PCDHGB4: variants seen among roughly 807,000 people sequenced by gnomAD.
PCDHGB4 encodes protocadherin gamma subfamily B, 4, also known as protocadherin gamma-B4.
Under a neutral mutation model 60.5 loss-of-function variants are expected in PCDHGB4, and 38 were observed. The observed-to-expected ratio is 0.63, with a 90% confidence interval of 0.48 to 0.82. The LOEUF (loss-of-function observed/expected upper bound fraction) is 0.82. Among genes scored for constraint, PCDHGB4 ranks in the 40% least tolerant of loss-of-function variants. The pLI is 0.00. For missense variants in PCDHGB4, 1,109 were observed against 1,209.6 expected, an observed-to-expected ratio of 0.92 and a Z score of 1.23; for synonymous variants, 456 against 509.7, an observed-to-expected ratio of 0.89 and a Z score of 1.42.
In PCDHGB4 at chr5:141,390,225, G is replaced by A. The variant is rs886390636; in HGVS notation, c.2341G>A (p.Asp781Asn). 25 of 1,613,922 alleles carry A rather than the reference G, an allele frequency of 1.5e-5. No individual in the cohort carries two copies. Among genetic ancestry groups the A allele is most frequent in the Non-Finnish European group, 1.9e-5 (23 of 1,179,908 alleles). The change falls in exon 1 of 4, where the codon GAT becomes AAT. Residue 781 changes from aspartate (D) to asparagine (N), a missense_variant. Physicochemically the swap from Asp to Asn is conservative, Grantham distance 23 (BLOSUM62 1). Transcript: ENST00000519479. ...LSSGQDILCGDSSGALFPLCN... is the reference protein window; with the variant it reads ...LSSGQDILCGNSSGALFPLCN... Reference sequence around the variant, plus strand: ...TTCAGGACAAGACATACTTTGCGGTGATTCATCTGGGGCCTTATTTCCACT... The same window carrying A: ...TTCAGGACAAGACATACTTTGCGGTAATTCATCTGGGGCCTTATTTCCACT...
At position 141,491,645 on chromosome 5, in the gene PCDHGB4, C is replaced by T; in HGVS notation, c.2398-3162C>T. On this transcript the variant is annotated intron_variant, in intron 1 of 3. Transcript: ENST00000519479. The surrounding 1 kb of genome is among the most constrained non-coding windows in gnomAD (Gnocchi z 6.9). ...AGCGTTCAGCAGCCCACAGCTCTGG[C>T]GCTGGAGCCTGACGCCATCCGGTCC... 1.2e-6 allele frequency: 2 copies of T among 1,613,890 alleles called. No homozygotes were observed. Among genetic ancestry groups the T allele is most frequent in the African/African-American group, 1.3e-5 (1 of 75,082 alleles).
At chr5:141,395,485 T>C (rs2093239128) in intron 1 of PCDHGB4, 2 of 522,170 alleles carry the variant, frequency 3.8e-6, no homozygotes, top group Non-Finnish European at 6.6e-6. Context: ...TTATTCCTAT[T>C]ATCACTCATT....
In PCDHGB4 at chr5:141,485,818, C is replaced by T; in HGVS notation, c.2398-8989C>T. 6 of 1,613,912 alleles carry T rather than the reference C, an allele frequency of 3.7e-6. No homozygotes were observed. The highest frequency in any genetic ancestry group is 5.1e-6 in the Non-Finnish European group (6 of 1,179,974). On this transcript the variant is annotated intron_variant, in intron 1 of 3. Transcript: ENST00000519479. This position sits in a 1 kb window ranked among gnomAD's most constrained non-coding sequence, Gnocchi z 5.7. ...ACTACCGCCTGGTGCTGACTGCTGTCGATGGAGGGAACCCGCCGAGATCTG... is the reference window on the plus strand; with the variant it reads ...ACTACCGCCTGGTGCTGACTGCTGTTGATGGAGGGAACCCGCCGAGATCTG...
intron 1 of PCDHGB4, among the ~76,000 whole-genome samples, chr5:141,445,892 T>C (rs2154561169): frequency 6.6e-6 from 1 of 152,346 alleles, no homozygotes; most frequent in African/African-American, 2.4e-5. Context: ...TTAGGAGCTA[T>C]TAAAATATTT....
intron 2 of PCDHGB4, among the ~76,000 whole-genome samples, chr5:141,495,094 C>T (rs1470702358): frequency 6.6e-6 from 1 of 152,156 alleles, no homozygotes; most frequent in African/African-American, 2.4e-5. Flanking sequence ...CTTCCCTCCT[C>T]GCCACGACCG....
At position 141,489,852 on chromosome 5, in the gene PCDHGB4, C is replaced by G. The variant is rs1197191101; in HGVS notation, c.2398-4955C>G. ...TAGAGCAGCAGCTGGATCGTGAAGC[C>G]CAGGCAAGACATCAGCTGGTGCTTA... On this transcript the variant is annotated intron_variant, in intron 1 of 3. Transcript: ENST00000519479. This position sits in a 1 kb window ranked among gnomAD's most constrained non-coding sequence, Gnocchi z 4.5. The G allele has an allele frequency of 6.2e-7, 1 of 1,614,034 alleles. No homozygotes were observed. Among genetic ancestry groups the G allele is most frequent in the Admixed American group, 1.7e-5 (1 of 60,004 alleles).
chr5:141,393,635 C>A (rs370544677), intron 1 of PCDHGB4: 1 of 1,613,750 alleles, frequency 6.2e-7, no homozygotes, highest in African/African-American at 1.3e-5. Context: ...AGGGAATCAA[C>A]GGAAAAGTGG....
chr5:141,421,749 C>T, intron 1 of PCDHGB4: 1 of 1,613,918 alleles, frequency 6.2e-7, no homozygotes, highest in Non-Finnish European at 8.5e-7. Flanking sequence ...ACCAGCTCAG[C>T]CCTAATAATT....
intron 1 of PCDHGB4, chr5:141,393,579 C>A: frequency 6.2e-7 from 1 of 1,613,888 alleles, no homozygotes; most frequent in South Asian, 1.1e-5. Flanking sequence ...TGAGAACATG[C>A]CCCCAGGCAC....
chr5:141,428,523 T>G, intron 1 of PCDHGB4: 1 of 278,554 alleles, frequency 3.6e-6, no homozygotes, highest in Non-Finnish European at 7.1e-6. Context: ...AAAGAAGATT[T>G]AATTTTCTCA....
rs1591273286 is a variant in PCDHGB4, at chr5:141,433,311, T to A, written c.2397+43030T>A. 11 of 870,402 alleles carry A rather than the reference T, an allele frequency of 1.3e-5. No individual in the cohort carries two copies. The East Asian group carries it at 2.9e-4, about 23-fold the overall frequency. 53.9% of individuals were successfully genotyped at this position (870,402 alleles called of 1,614,324 possible). A position where few individuals can be genotyped will look rare whatever the true frequency, so the allele number is the denominator to read the frequency against. On this transcript the variant is annotated intron_variant, in intron 1 of 3. Coordinates refer to ENST00000519479, the MANE Select transcript of PCDHGB4 (RefSeq NM_003736.4). Reference sequence around the variant, plus strand: ...TAGGCTCAAGCAATTATCCCACCTTTGCCTCCGGTGTAACAGGGACTACAG... The same window carrying A: ...TAGGCTCAAGCAATTATCCCACCTTAGCCTCCGGTGTAACAGGGACTACAG...
At position 141,476,251 on chromosome 5, in the gene PCDHGB4, C is replaced by T; in HGVS notation, c.2398-18556C>T. On this transcript the variant is annotated intron_variant, in intron 1 of 3. Coordinates refer to ENST00000519479, the MANE Select transcript of PCDHGB4 (RefSeq NM_003736.4). This position sits in a 1 kb window ranked among gnomAD's most constrained non-coding sequence, Gnocchi z 7.6. The stretch of plus-strand genomic sequence containing the variant: ...TCCCGGAGGAAAGAGAGAAGGGTTT[C>T]GCTGTGGGCAACGTGGTCGCGAACC... 1 of 1,613,866 alleles carries T rather than the reference C, an allele frequency of 6.2e-7. No homozygotes were observed. The highest frequency in any genetic ancestry group is 8.5e-7 in the Non-Finnish European group (1 of 1,179,978).
At chr5:141,398,951 C>A (rs771456321) in intron 1 of PCDHGB4, 2 of 1,613,822 alleles carry the variant, frequency 1.2e-6, no homozygotes, top group Admixed American at 1.7e-5. Flanking sequence ...GGCATCAACT[C>A]AGAAATTACT....
Position 141,476,659 on chromosome 5 carries a change from G to C in PCDHGB4, c.2398-18148G>C. On this transcript the variant is annotated intron_variant, in intron 1 of 3. Transcript: ENST00000519479. This position sits in a 1 kb window ranked among gnomAD's most constrained non-coding sequence, Gnocchi z 7.6. ...AGCTGAGCCGAAATGAATACTTTGCGCTTCGCGTGCAGACGCGGGAGGACA... is the reference window on the plus strand; with the variant it reads ...AGCTGAGCCGAAATGAATACTTTGCCCTTCGCGTGCAGACGCGGGAGGACA... 1 of 1,614,252 alleles carries C rather than the reference G, an allele frequency of 6.2e-7. No individual in the cohort carries two copies. The highest frequency in any genetic ancestry group is 8.5e-7 in the Non-Finnish European group (1 of 1,180,048).
At chr5:141,441,757 G>A (rs1423867327) in intron 1 of PCDHGB4, 2 of 381,638 alleles carry the variant, frequency 5.2e-6, no homozygotes, top group Middle Eastern at 6.5e-4. Context: ...GTCAACGTGA[G>A]CCTGCGCGTG....
chr5:141,393,055 G>A (rs1225924697), intron 1 of PCDHGB4: 1 of 1,613,678 alleles, frequency 6.2e-7, no homozygotes, highest in South Asian at 1.1e-5. Flanking sequence ...AACCCGCGCA[G>A]CGGCAGCTTG....
Position 141,390,045 on chromosome 5 carries a change from T to G in PCDHGB4, c.2161T>G (p.Ser721Ala). 6.2e-7 allele frequency: 1 copy of G among 1,614,076 alleles called. No homozygotes were observed. The highest frequency in any genetic ancestry group is 8.5e-7 in the Non-Finnish European group (1 of 1,179,906). ...CCTGCGACGCTCCTCCAGCCCCGCC[T>G]CCTGGAGCTGCTTCCAGCCTGGTCT... is the stretch of plus-strand genomic sequence containing the variant. ...LRLRRSSSPA[S>A]WSCFQPGLCV... Residue 721 changes from serine (S) to alanine (A), a missense_variant, in exon 1 of 4, where the codon TCC becomes GCC. Around this residue, in one of 2 missense-constraint regions of PCDHGB4, gnomAD observed 1,068 missense variants for 1,089.9 expected, o/e 0.98. Coordinates refer to ENST00000519479, the MANE Select transcript of PCDHGB4 (RefSeq NM_003736.4).
chr5:141,477,565 C>T lies in PCDHGB4; in HGVS notation c.2398-17242C>T, dbSNP rs1168703868. 3.1e-6 allele frequency: 5 copies of T among 1,614,146 alleles called. No homozygotes were observed. The highest frequency in any genetic ancestry group is 4.2e-6 in the Non-Finnish European group (5 of 1,180,030). On this transcript the variant is annotated intron_variant, in intron 1 of 3. Transcript: ENST00000519479. The surrounding 1 kb of genome is among the most constrained non-coding windows in gnomAD (Gnocchi z 4.9). ...CAATACTAAACCTAAGTGTCTGGGA[C>T]CCCGACGCCCCGCAGAATGCTCGGC... is the stretch of plus-strand genomic sequence containing the variant.
intron 1 of PCDHGB4, chr5:141,423,007 G>C (rs772337723): frequency 1.9e-6 from 3 of 1,614,242 alleles, no homozygotes; most frequent in Non-Finnish European, 2.5e-6. Flanking sequence ...CAAGGTGGTT[G>C]CGGTGGACAA....
Sources: allele counts gnomAD v4.1 joint callset (sites outside exome capture counted in the v4.1 genomes callset), GRCh38; gene constraint gnomAD v4.1.1; regional missense constraint gnomAD v4.1.1; non-coding constraint Gnocchi (gnomAD v3.1); transcripts MANE v1.5; gene names NCBI Gene and HGNC (gene_info 2026-07-23, HGNC 2026-07-21).